PGAP1: variants seen among roughly 807,000 people sequenced by gnomAD.
The protein encoded by PGAP1 is post-GPI attachment to proteins inositol deacylase 1, also known as GPI inositol-deacylase.
Under a neutral mutation model 127.0 loss-of-function variants are expected in PGAP1, and 76 were observed. That is an observed-to-expected ratio of 0.60 (90% CI 0.50 to 0.72). The LOEUF (loss-of-function observed/expected upper bound fraction) is 0.72. PGAP1 is among the 30% of genes least tolerant of loss of function. The pLI is 0.00. For missense variants in PGAP1, 982 were observed against 1,071.3 expected (o/e 0.92, Z 1.16); for synonymous variants, 362 against 366.5 (o/e 0.99, Z 0.14).
At chr2:196,860,939 C>T (rs1701045202) in intron 20 of PGAP1, among the ~76,000 whole-genome samples, 1 of 152,082 alleles carries the variant, frequency 6.6e-6, no homozygotes, top group Non-Finnish European at 1.5e-5. Flanking sequence ...CTTCAAAATA[C>T]ACTACAAAGA....
At chr2:196,862,145 A>G (rs574548603) in intron 20 of PGAP1, among the ~76,000 whole-genome samples, 23 of 152,228 alleles carry the variant, frequency 1.5e-4, no homozygotes, top group African/African-American at 5.1e-4. Flanking sequence ...TGGGAGAAAT[A>G]TCACTGAATT....
At chr2:196,844,435 T>G in intron 24 of PGAP1, 89 bp downstream of exon 24, 1 of 878,706 alleles carries the variant, frequency 1.1e-6, no homozygotes, top group Non-Finnish European at 1.7e-6. Context: ...TTAAGCACTA[T>G]GAAATACTAA....
chr2:196,857,079 C>T lies in PGAP1; in HGVS notation c.1861+7908G>A, dbSNP rs550894781. On this transcript the variant is annotated intron_variant, in intron 20 of 26. Coordinates refer to ENST00000354764, the MANE Select transcript of PGAP1 (RefSeq NM_024989.4). ...GGCAAGAGACAGAAATAAAGGGCAT[C>T]GAAATAGGAAGAGAGGAAGTCAAAC... Among the ~76,000 whole-genome samples the T allele has an allele frequency of 8.5e-5, 13 of 152,116 alleles. No homozygotes were observed. The South Asian group carries it at 1.5e-3, about 17-fold the overall frequency.
At chr2:196,845,199 A>G (rs1700522652) in intron 23 of PGAP1, among the ~76,000 whole-genome samples, 1 of 151,916 alleles carries the variant, frequency 6.6e-6, no homozygotes, top group African/African-American at 2.4e-5. Context: ...AAGCATATAA[A>G]TTTCCTTTGG....
chr2:196,846,024 T>C lies in PGAP1; in HGVS notation c.2151-7A>G. 1.3e-6 allele frequency: 2 copies of C among 1,539,288 alleles called. No homozygotes were observed. The highest frequency in any genetic ancestry group is 2.5e-5 in the South Asian group (2 of 78,816). On this transcript the variant is annotated splice_polypyrimidine_tract_variant and splice_region_variant and intron_variant, in intron 22 of 26. Transcript: ENST00000354764. ...TTTAGGAAGTTCAGAGGGTCTGGAA[T>C]TATAAGAATAAAGTTTAAAATATAT...
intron 20 of PGAP1, among the ~76,000 whole-genome samples, chr2:196,852,427 G>A (rs969612601): frequency 6.6e-6 from 1 of 151,942 alleles, no homozygotes; most frequent in Non-Finnish European, 1.5e-5. Context: ...ATAAGTGACA[G>A]TTCAAATTAC....
chr2:196,892,374 A>T lies in PGAP1; in HGVS notation c.1061T>A (p.Val354Glu). 1 of 1,502,256 alleles carries T rather than the reference A, an allele frequency of 6.7e-7. No individual in the cohort carries two copies. Among genetic ancestry groups the T allele is most frequent in the Non-Finnish European group, 9.1e-7 (1 of 1,099,262 alleles). The allele number at this position is 1,502,256 out of a possible 1,614,324, so 93.1% of individuals were successfully genotyped here. A position where few individuals can be genotyped will look rare whatever the true frequency, so the allele number is the denominator to read the frequency against. ...TGTSMWVLVK[V>E]SKWTYVAYNE... ...GTAAGCTACATAGGTCCATTTGGACACTTTTACTAGAACCCACATAGATGT... is the reference window on the plus strand; with the variant it reads ...GTAAGCTACATAGGTCCATTTGGACTCTTTTACTAGAACCCACATAGATGT... The change falls in exon 9 of 27, where the codon GTG (valine) becomes GAG (glutamate). Residue 354 changes from valine to glutamate, a missense_variant. By Grantham distance (121) the Val-to-Glu change is moderately radical (BLOSUM62 -2). Transcript: ENST00000354764.
At position 196,865,048 on chromosome 2, in the gene PGAP1, A is replaced by T. The variant is rs778128378; in HGVS notation, c.1800T>A (p.Ala600=). 1.9e-6 allele frequency: 3 copies of T among 1,570,826 alleles called. No homozygotes were observed. The highest frequency in any genetic ancestry group is 1.7e-6 in the Non-Finnish European group (2 of 1,165,550). ...VVRFHGGALP[A]YVVSNILLAY... is the part of the protein sequence containing the mutation. ...CAAGAAGGATATTAGATACGACATA[A>T]GCAGGAAGAGCTCCACCATGAAATC... is the stretch of plus-strand genomic sequence containing the variant. The change falls in exon 20 of 27, where the codon GCT becomes GCA. Residue 600 remains alanine, a synonymous_variant. Transcript: ENST00000354764.
intron 21 of PGAP1, 176 bp downstream of exon 21, chr2:196,847,771 T>C: frequency 2.2e-6 from 1 of 451,832 alleles, no homozygotes; most frequent in South Asian, 3.7e-5. Flanking sequence ...AATGATACTA[T>C]TGAAGTAGAC....
intron 3 of PGAP1, among the ~76,000 whole-genome samples, chr2:196,915,953 G>A (rs955863786): frequency 2.0e-5 from 3 of 152,064 alleles, no homozygotes; most frequent in Non-Finnish European, 4.4e-5. Flanking sequence ...TCTGGAAAAC[G>A]CTTCCGGGCA....
chr2:196,876,841 G>A (rs1576138662), intron 13 of PGAP1, among the ~76,000 whole-genome samples: 4 of 151,860 alleles, frequency 2.6e-5, no homozygotes, highest in Middle Eastern at 3.2e-3. Flanking sequence ...ATACACTTGG[G>A]GGAATAAAAG....
chr2:196,888,141 A>G (rs1178283425), intron 10 of PGAP1, among the ~76,000 whole-genome samples: 1 of 152,214 alleles, frequency 6.6e-6, no homozygotes, highest in Non-Finnish European at 1.5e-5. Flanking sequence ...AAGGTGAACT[A>G]ATTACAAAAA....
chr2:196,871,370 T>C (rs895451744), intron 18 of PGAP1, among the ~76,000 whole-genome samples: 2 of 152,130 alleles, frequency 1.3e-5, no homozygotes, highest in African/African-American at 4.8e-5. Context: ...TTTTGATAAT[T>C]AGGAAGTCTA....
At chr2:196,863,812 C>A (rs1286225367) in intron 20 of PGAP1, among the ~76,000 whole-genome samples, 1 of 152,010 alleles carries the variant, frequency 6.6e-6, no homozygotes, top group Non-Finnish European at 1.5e-5. Context: ...TTCCTGACCT[C>A]AGGTGATCCG....
chr2:196,856,373 A>T (rs1700883927), intron 20 of PGAP1, among the ~76,000 whole-genome samples: 1 of 152,164 alleles, frequency 6.6e-6, no homozygotes, highest in Non-Finnish European at 1.5e-5. Context: ...GAAAAAAATT[A>T]TGTTTCTAAA....
chr2:196,913,660 C>T (rs1702910081), intron 3 of PGAP1, among the ~76,000 whole-genome samples: 1 of 152,176 alleles, frequency 6.6e-6, no homozygotes. Context: ...CAAACTTTTG[C>T]TCATCATCCC....
intron 14 of PGAP1, among the ~76,000 whole-genome samples, chr2:196,874,461 T>C (rs947302549): frequency 2.0e-5 from 3 of 152,128 alleles, no homozygotes; most frequent in African/African-American, 7.2e-5. Flanking sequence ...ATGCTAAAAA[T>C]AGTGGGTTAT....
intron 20 of PGAP1, among the ~76,000 whole-genome samples, chr2:196,856,115 G>A (rs1700875587): frequency 6.6e-6 from 1 of 152,186 alleles, no homozygotes; most frequent in Non-Finnish European, 1.5e-5. Context: ...CTGGGGTCAA[G>A]TGATTCTCGT....
At chr2:196,844,630 A>C (rs1700508290) in intron 23 of PGAP1, 56 bp from the exon 24 acceptor site, 4 of 1,237,702 alleles carry the variant, frequency 3.2e-6, no homozygotes, top group Admixed American at 2.2e-5. Context: ...AAAACATATA[A>C]GCCTTTTGGT....
Sources: allele counts gnomAD v4.1 joint callset (sites outside exome capture counted in the v4.1 genomes callset), GRCh38; gene constraint gnomAD v4.1.1; transcripts MANE v1.5; gene names NCBI Gene and HGNC (gene_info 2026-07-23, HGNC 2026-07-21).